The following RPS6KA2 variants were observed in gnomAD, a reference collection of about 807,000 sequenced individuals.
RPS6KA2 encodes ribosomal protein S6 kinase alpha-2.
RPS6KA2 carries 42 observed loss-of-function variants against 91.8 expected under a neutral mutation model. The ratio of observed to expected loss-of-function variants is 0.46; its 90% CI spans 0.36 to 0.59. The LOEUF is 0.59. RPS6KA2 is among the 20% of genes least tolerant of loss of function. The pLI, the probability that RPS6KA2 is intolerant of heterozygous loss-of-function variation, is 0.00. For synonymous variants in RPS6KA2, 414 were observed against 393.6 expected, an observed-to-expected ratio of 1.05 and a Z score of -0.61; for missense variants, 798 against 978.5, an observed-to-expected ratio of 0.82 and a Z score of 2.46.
At chr6:166,830,333 A>G (rs1189919693) in intron 2 of RPS6KA2, among the ~76,000 whole-genome samples, 2 of 152,118 alleles carry the variant, frequency 1.3e-5, no homozygotes, top group African/African-American at 4.8e-5. Flanking sequence ...TTGCTGTCTC[A>G]TTGGGGAAGT....
chr6:166,684,654 C>T (rs896125245), intron 2 of RPS6KA2, among the ~76,000 whole-genome samples: 20 of 152,308 alleles, frequency 1.3e-4, no homozygotes, highest in Admixed American at 9.1e-4. Context: ...GCTCTCTGCC[C>T]TCCTCTGCTC....
chr6:166,534,290 C>T (rs911304481), intron 2 of RPS6KA2, among the ~76,000 whole-genome samples: 5 of 149,592 alleles, frequency 3.3e-5, no homozygotes, highest in Admixed American at 1.3e-4. Flanking sequence ...GTTGGTGGTG[C>T]GTGCCTGTAG....
At chr6:166,542,798 T>A (rs1562568263) in intron 1 of RPS6KA2, among the ~76,000 whole-genome samples, 1 of 152,196 alleles carries the variant, frequency 6.6e-6, no homozygotes, top group Non-Finnish European at 1.5e-5. Flanking sequence ...TCATTTCCTC[T>A]GCTCTGAATC....
chr6:166,632,853 G>A (rs979451666), intron 2 of RPS6KA2, among the ~76,000 whole-genome samples: 3 of 152,082 alleles, frequency 2.0e-5, no homozygotes, highest in Non-Finnish European at 4.4e-5. Flanking sequence ...GAACAGGGTC[G>A]GGGAGAGGCA....
At chr6:166,511,378 C>T (rs1782475606) in intron 3 of RPS6KA2, among the ~76,000 whole-genome samples, 1 of 152,212 alleles carries the variant, frequency 6.6e-6, no homozygotes, top group South Asian at 2.1e-4. Flanking sequence ...CCTTCTCTCC[C>T]TCTCCATGAA....
At chr6:166,806,034 A>C (rs180770229) in intron 2 of RPS6KA2, among the ~76,000 whole-genome samples, 6 of 152,334 alleles carry the variant, frequency 3.9e-5, no homozygotes, top group African/African-American at 1.4e-4. Context: ...AAGAATCCAC[A>C]TATTTAAGGA....
intron 1 of RPS6KA2, among the ~76,000 whole-genome samples, chr6:166,581,750 C>T (rs992952366): frequency 2.0e-5 from 3 of 148,914 alleles, no homozygotes; most frequent in African/African-American, 7.5e-5. Flanking sequence ...ACCCGCTGGG[C>T]AGGAGGGCAC....
chr6:166,715,602 G>T (rs1437458660), intron 2 of RPS6KA2, among the ~76,000 whole-genome samples: 1 of 152,226 alleles, frequency 6.6e-6, no homozygotes, highest in African/African-American at 2.4e-5. Flanking sequence ...AGGTGATTTT[G>T]TTGTTGTGAG....
intron 1 of RPS6KA2, among the ~76,000 whole-genome samples, chr6:166,581,128 TG>T (rs1179900638): frequency 6.6e-6 from 1 of 152,132 alleles, no homozygotes; most frequent in Non-Finnish European, 1.5e-5. Flanking sequence ...TGACCTCAGA[TG>T]ATCTGCCCGC....
At chr6:166,531,811 A>C (rs896864557) in intron 2 of RPS6KA2, among the ~76,000 whole-genome samples, 1 of 152,200 alleles carries the variant, frequency 6.6e-6, no homozygotes, top group Non-Finnish European at 1.5e-5. Flanking sequence ...TTCCTTTCTA[A>C]CTGGATCTTA....
Position 166,445,885 on chromosome 6 carries a change from C to A in RPS6KA2, c.1332+2839G>T, listed in dbSNP as rs534884864. ...GCTGGACATCTGCTGAGCTGAGATC[C>A]AACTCACACATCAGATAATCAGCTG... On this transcript the variant is annotated intron_variant, in intron 14 of 20. Transcript: ENST00000265678. This position sits in a 1 kb window ranked among gnomAD's most constrained non-coding sequence, Gnocchi z 4.5. 3.0e-4 allele frequency among the ~76,000 whole-genome samples: 45 copies of A among 152,182 alleles called. No individual in the cohort carries two copies. The highest frequency in any genetic ancestry group is 5.0e-4 in the Non-Finnish European group (34 of 68,024).
chr6:166,452,957 T>C (rs988066148), intron 12 of RPS6KA2, among the ~76,000 whole-genome samples: 2 of 152,120 alleles, frequency 1.3e-5, no homozygotes, highest in Non-Finnish European at 2.9e-5. Flanking sequence ...CCCAGCACTT[T>C]GGGAGGCTGA....
At chr6:166,691,867 T>C (rs1237239133) in intron 2 of RPS6KA2, among the ~76,000 whole-genome samples, 1 of 152,132 alleles carries the variant, frequency 6.6e-6, no homozygotes, top group Non-Finnish European at 1.5e-5. Context: ...AAATGAGAAA[T>C]TGAAATGCCA....
At chr6:166,689,910 G>T (rs1789151363) in intron 2 of RPS6KA2, among the ~76,000 whole-genome samples, 1 of 152,236 alleles carries the variant, frequency 6.6e-6, no homozygotes, top group Admixed American at 6.5e-5. Flanking sequence ...CAAGTGGCAG[G>T]AAGCAAAGCT....
At chr6:166,676,771 C>G (rs570353309) in intron 2 of RPS6KA2, among the ~76,000 whole-genome samples, 1 of 152,246 alleles carries the variant, frequency 6.6e-6, no homozygotes, top group South Asian at 2.1e-4. Flanking sequence ...TATTCACGCT[C>G]AACCAGATTT....
Position 166,723,699 on chromosome 6 carries a change from C to CTTT in RPS6KA2, c.123+134498_123+134500dup, listed in dbSNP as rs10637819. Among the ~76,000 whole-genome samples, 498 of 146,212 alleles carry CTTT rather than the reference C, an allele frequency of 3.4e-3. 17 individuals carry two copies. The highest frequency in any genetic ancestry group is 0.012 in the African/African-American group (445 of 37,162). On this transcript the variant is annotated intron_variant, in intron 2 of 21. Coordinates refer to the RPS6KA2 transcript ENST00000503859. Reference sequence around the variant, plus strand: ...AATTTCCTTTTTCTTTTTTTCTTTTCTTTTCTTTTTTTTTTTTTTGAGATG... The same window carrying CTTT: ...AATTTCCTTTTTCTTTTTTTCTTTTCTTTTTTTCTTTTTTTTTTTTTTGAGATG...
intron 2 of RPS6KA2, among the ~76,000 whole-genome samples, chr6:166,804,452 T>C (rs1005054461): frequency 2.6e-5 from 4 of 151,956 alleles, no homozygotes; most frequent in African/African-American, 7.2e-5. Flanking sequence ...ATTTATTCTC[T>C]TTTTGAACAA....
Position 166,825,789 on chromosome 6 carries a change from C to T in RPS6KA2, c.123+32411G>A, listed in dbSNP as rs960853162. 1.2e-4 allele frequency among the ~76,000 whole-genome samples: 19 copies of T among 152,254 alleles called. 1 individual carries two copies. Among genetic ancestry groups the T allele is most frequent in the Admixed American group, 9.8e-4 (15 of 15,298 alleles). On this transcript the variant is annotated intron_variant, in intron 2 of 21. Coordinates refer to the RPS6KA2 transcript ENST00000503859. This position sits in a 1 kb window ranked among gnomAD's most constrained non-coding sequence, Gnocchi z 4.1. ...CCACCCTCATGAACCCATCATCTCCCGAGGCCCCACCTCCCAATACCATCA... is the reference window on the plus strand; with the variant it reads ...CCACCCTCATGAACCCATCATCTCCTGAGGCCCCACCTCCCAATACCATCA...
chr6:166,757,685 G>A (rs560138446), intron 2 of RPS6KA2: 5 of 443,108 alleles, frequency 1.1e-5, no homozygotes, highest in South Asian at 6.4e-5. Flanking sequence ...GCCCGTCCTC[G>A]TCACCAGGCA....
Sources: allele counts gnomAD v4.1 joint callset (sites outside exome capture counted in the v4.1 genomes callset), GRCh38; gene constraint gnomAD v4.1.1; non-coding constraint Gnocchi (gnomAD v3.1); transcripts MANE v1.5; gene names NCBI Gene and HGNC (gene_info 2026-07-23, HGNC 2026-07-21).